The following SAMD5 variants were observed in gnomAD, a reference collection of about 807,000 sequenced individuals.
The protein encoded by SAMD5 is sterile alpha motif domain containing 5, also known as sterile alpha motif domain-containing protein 5.
In SAMD5, 13 loss-of-function variants were observed where a neutral mutation model predicts 11.3. That is an observed-to-expected ratio of 1.15 (90% CI 0.75 to 1.83). The LOEUF is 1.83. SAMD5 is among the 40% of genes most tolerant of loss of function. The pLI, the probability that SAMD5 is intolerant of heterozygous loss-of-function variation, is 0.00. For synonymous variants in SAMD5, 129 were observed against 111.3 expected (o/e 1.16, Z -1.00); for missense variants, 255 against 239.1 (o/e 1.07, Z -0.44).
chr6:147,606,589 T>C (rs1789705547), intron 1 of SAMD5, among the ~76,000 whole-genome samples: 1 of 151,930 alleles, frequency 6.6e-6, no homozygotes, highest in South Asian at 2.1e-4. Context: ...AAAAGACTTT[T>C]TAAATAGAGT....
At chr6:147,750,721 T>C in the SAMD5 span, among the ~76,000 whole-genome samples, 1 of 152,304 alleles carries the variant, frequency 6.6e-6, no homozygotes, top group East Asian at 1.9e-4. Flanking sequence ...GCCAGGAGTT[T>C]GAGACTACCC....
At chr6:147,525,486 T>C (rs535633066) in intron 1 of SAMD5, among the ~76,000 whole-genome samples, 2 of 151,872 alleles carry the variant, frequency 1.3e-5, no homozygotes, top group South Asian at 4.2e-4. Flanking sequence ...GTGTTTAATC[T>C]TTCAGTAAAC....
In SAMD5 at chr6:147,729,709, A is replaced by C. The variant is rs192052486; in HGVS notation, c.163-7608A>C. On this transcript the variant is annotated intron_variant, in intron 1 of 1. Coordinates refer to the SAMD5 transcript ENST00000566741. Reference sequence around the variant, plus strand: ...TGAGTAAAGATCTAAAGGAAGTGAAATTATGAACCATGTGGAAAGCTGGGA... The same window carrying C: ...TGAGTAAAGATCTAAAGGAAGTGAACTTATGAACCATGTGGAAAGCTGGGA... 3.8e-4 allele frequency: 172 copies of C among 453,382 alleles called. 1 individual carries two copies. In the East Asian group the frequency reaches 8.6e-3, roughly 23 times the overall value. The allele number at this position is 453,382 out of a possible 1,614,324, so 28.1% of individuals were successfully genotyped here.
the SAMD5 span, among the ~76,000 whole-genome samples, chr6:147,807,550 C>T: frequency 1.3e-5 from 2 of 152,020 alleles, no homozygotes; most frequent in Non-Finnish European, 2.9e-5. Flanking sequence ...TTAAGTACTC[C>T]ATTTTACTAA....
At chr6:147,762,379 A>G in the SAMD5 span, among the ~76,000 whole-genome samples, 1 of 150,812 alleles carries the variant, frequency 6.6e-6, no homozygotes, top group African/African-American at 2.4e-5. Context: ...TTGTATTTTT[A>G]GTAGAGACGG....
intron 1 of SAMD5, among the ~76,000 whole-genome samples, chr6:147,548,525 T>G (rs1356885272): frequency 6.6e-6 from 1 of 152,232 alleles, no homozygotes; most frequent in Non-Finnish European, 1.5e-5. Context: ...GTGACTAACT[T>G]GCTTAGAAGT....
the SAMD5 span, among the ~76,000 whole-genome samples, chr6:147,828,632 G>A: frequency 6.6e-6 from 1 of 152,170 alleles, no homozygotes; most frequent in East Asian, 1.9e-4. Flanking sequence ...CTTCAGCTTT[G>A]GGACTCAAAC....
At chr6:147,746,957 AAC>A in the SAMD5 span, among the ~76,000 whole-genome samples, 6 of 152,028 alleles carry the variant, frequency 3.9e-5, no homozygotes, top group East Asian at 1.2e-3. Flanking sequence ...GCGTTTAAGT[AAC>A]ACACCCCCTC....
At chr6:147,844,496 C>T in the SAMD5 span, among the ~76,000 whole-genome samples, 16 of 151,948 alleles carry the variant, frequency 1.1e-4, no homozygotes, top group Non-Finnish European at 1.5e-4. Context: ...TGGCATACAC[C>T]GAAGGGAATT....
intron 1 of SAMD5, among the ~76,000 whole-genome samples, chr6:147,581,204 T>C (rs77988031): frequency 0.034 from 5,166 of 152,274 alleles, 118 homozygotes; most frequent in Middle Eastern, 0.075. Flanking sequence ...GGTGACTCCA[T>C]GCATGGCACC....
chr6:147,571,049 A>G (rs1789129737), downstream of SAMD5, among the ~76,000 whole-genome samples: 1 of 152,212 alleles, frequency 6.6e-6, no homozygotes, highest in Non-Finnish European at 1.5e-5. Flanking sequence ...TTTTTAAGAC[A>G]TAGTCATAGC....
At chr6:147,553,322 T>C (rs1788802831) in intron 1 of SAMD5, among the ~76,000 whole-genome samples, 1 of 152,176 alleles carries the variant, frequency 6.6e-6, no homozygotes, top group Non-Finnish European at 1.5e-5. Context: ...CCTGTCCTGC[T>C]TCCATCAGAG....
chr6:147,696,873 C>T (rs1791183261), intron 1 of SAMD5, among the ~76,000 whole-genome samples: 1 of 152,090 alleles, frequency 6.6e-6, no homozygotes, highest in African/African-American at 2.4e-5. Context: ...TAGGCTGTAG[C>T]AAGGCCACTG....
chr6:147,532,816 G>T (rs1788450047), intron 1 of SAMD5, among the ~76,000 whole-genome samples: 1 of 152,102 alleles, frequency 6.6e-6, no homozygotes. Flanking sequence ...TATCAGTACG[G>T]TTTATAACAT....
intron 1 of SAMD5, chr6:147,692,547 T>C (rs1791118669): frequency 6.6e-6 from 1 of 152,148 alleles, no homozygotes; most frequent in African/African-American, 2.4e-5. Flanking sequence ...ATGTCCCTGG[T>C]TATTAGTTGA....
intron 1 of SAMD5, among the ~76,000 whole-genome samples, chr6:147,709,394 G>A (rs1791367341): frequency 6.6e-6 from 1 of 152,170 alleles, no homozygotes; most frequent in African/African-American, 2.4e-5. Context: ...AGGTCATGTA[G>A]GTGGGGGAGT....
intron 1 of SAMD5, among the ~76,000 whole-genome samples, chr6:147,687,361 CA>C (rs1462415534): frequency 4.8e-5 from 7 of 145,560 alleles, no homozygotes; most frequent in Non-Finnish European, 8.9e-5. Flanking sequence ...TGGTTCACTG[CA>C]ACCCTGACCT....
At chr6:147,659,590 C>A (rs769319611) in intron 1 of SAMD5, among the ~76,000 whole-genome samples, 3 of 152,138 alleles carry the variant, frequency 2.0e-5, no homozygotes, top group Non-Finnish European at 4.4e-5. Flanking sequence ...AAGAAGAAAG[C>A]ATAATTTTAT....
the SAMD5 span, among the ~76,000 whole-genome samples, chr6:147,826,060 C>T: frequency 1.1e-4 from 16 of 152,322 alleles, no homozygotes; most frequent in African/African-American, 3.4e-4. Flanking sequence ...TGCAGAACTA[C>T]ACCTGCCTTA....
Sources: allele counts gnomAD v4.1 joint callset (sites outside exome capture counted in the v4.1 genomes callset), GRCh38; gene constraint gnomAD v4.1.1; transcripts MANE v1.5; gene names NCBI Gene and HGNC (gene_info 2026-07-23, HGNC 2026-07-21).